Variants in CEP85L observed in about 807,000 individuals in gnomAD.
CEP85L encodes the protein centrosomal protein of 85 kDa-like.
A neutral mutation model predicts 100.3 loss-of-function variants in CEP85L; 60 were observed. That is an observed-to-expected ratio of 0.60 (90% CI 0.49 to 0.74). The LOEUF is 0.74. Among genes scored for constraint, CEP85L ranks in the 30% least tolerant of loss-of-function variants. The pLI, the probability that CEP85L is intolerant of heterozygous loss-of-function variation, is 0.00. For synonymous variants in CEP85L, 319 were observed against 322.7 expected (o/e 0.99, Z 0.12); for missense variants, 973 against 936.2 (o/e 1.04, Z -0.51).
intron 2 of CEP85L, among the ~76,000 whole-genome samples, chr6:118,620,256 G>A (rs748904571): frequency 5.3e-5 from 8 of 152,118 alleles, no homozygotes; most frequent in Non-Finnish European, 1.0e-4. Context: ...GTCTGCCTTA[G>A]GCCCAGAACA....
At chr6:118,520,576 G>A (rs1176085849) in intron 4 of CEP85L, among the ~76,000 whole-genome samples, 1 of 151,818 alleles carries the variant, frequency 6.6e-6, no homozygotes, top group Non-Finnish European at 1.5e-5. Flanking sequence ...CTAGCTATTT[G>A]AAAAAAATAT....
At chr6:118,536,102 T>G (rs914381349) in intron 3 of CEP85L, among the ~76,000 whole-genome samples, 3 of 152,154 alleles carry the variant, frequency 2.0e-5, no homozygotes, top group African/African-American at 7.2e-5. Context: ...ACAACCCAAA[T>G]GTGTTAACAA....
intron 2 of CEP85L, among the ~76,000 whole-genome samples, chr6:118,610,399 A>G (rs938876398): frequency 6.6e-6 from 1 of 152,028 alleles, no homozygotes; most frequent in Admixed American, 6.6e-5. Context: ...TAGGGCCTTT[A>G]CTCCTGTCCA....
At position 118,616,945 on chromosome 6, in the gene CEP85L, A is replaced by C. The variant is rs1415419583; in HGVS notation, c.232+15508T>G. On this transcript the variant is annotated intron_variant, in intron 2 of 12. Transcript: ENST00000368491. ...GGGCAAGAGAGCGAGACTCTGTGTC[A>C]AAAAAAAAAAAAGGCTGAGGTAGGA... 1.4e-3 allele frequency among the ~76,000 whole-genome samples: 195 copies of C among 143,152 alleles called. 1 individual carries two copies. The highest frequency in any genetic ancestry group is 4.8e-3 in the African/African-American group (190 of 39,510). 93.9% of individuals were successfully genotyped at this position (143,152 alleles called of 152,430 possible).
chr6:118,532,026 A>C (rs1399029414), intron 3 of CEP85L, among the ~76,000 whole-genome samples: 1 of 152,206 alleles, frequency 6.6e-6, no homozygotes, highest in Non-Finnish European at 1.5e-5. Context: ...AATATAAATC[A>C]TTCTACCGGA....
chr6:118,541,264 G>C (rs2114878130), intron 3 of CEP85L, among the ~76,000 whole-genome samples: 1 of 152,336 alleles, frequency 6.6e-6, no homozygotes, highest in East Asian at 1.9e-4. Flanking sequence ...TAAATCAGCA[G>C]ATGATGAGAT....
At chr6:118,607,229 C>T (rs971129409) in intron 2 of CEP85L, among the ~76,000 whole-genome samples, 2 of 152,078 alleles carry the variant, frequency 1.3e-5, no homozygotes, top group African/African-American at 2.4e-5. Flanking sequence ...AGTTTCAACA[C>T]GTGGTCTCTG....
At chr6:118,537,729 T>C (rs886148532) in intron 3 of CEP85L, 1 of 985,230 alleles carries the variant, frequency 1.0e-6, no homozygotes, top group Non-Finnish European at 1.2e-6. Context: ...CCTGGACAAA[T>C]ACTGTTAAAT....
intron 1 of CEP85L, among the ~76,000 whole-genome samples, chr6:118,665,386 G>A (rs1392227572): frequency 6.6e-6 from 1 of 151,704 alleles, no homozygotes; most frequent in Non-Finnish European, 1.5e-5. Flanking sequence ...TTTAGATAGG[G>A]TTTTGCTGGA....
At chr6:118,691,780 C>T (rs1254991667) in intron 1 of CEP85L, among the ~76,000 whole-genome samples, 1 of 151,948 alleles carries the variant, frequency 6.6e-6, no homozygotes, top group Non-Finnish European at 1.5e-5. Flanking sequence ...TCATTTAAAC[C>T]TCTGTGCTCA....
intron 2 of CEP85L, among the ~76,000 whole-genome samples, chr6:118,579,564 T>C (rs909284420): frequency 6.6e-6 from 1 of 152,226 alleles, no homozygotes; most frequent in Non-Finnish European, 1.5e-5. Flanking sequence ...TTTTTACAAA[T>C]CAAACTATCA....
At chr6:118,510,243 T>G (rs1021016294) in intron 5 of CEP85L, among the ~76,000 whole-genome samples, 26 of 146,474 alleles carry the variant, frequency 1.8e-4, no homozygotes, top group Non-Finnish European at 4.0e-4. Context: ...CAGACCTCAT[T>G]GTAGAAAAAA....
intron 4 of CEP85L, among the ~76,000 whole-genome samples, chr6:118,522,362 A>T (rs1562226238): frequency 6.6e-6 from 1 of 152,300 alleles, no homozygotes; most frequent in South Asian, 2.1e-4. Flanking sequence ...ATTAATTTCA[A>T]TTATATAAAA....
At chr6:118,596,569 A>G (rs1458671790) in intron 2 of CEP85L, among the ~76,000 whole-genome samples, 2 of 152,236 alleles carry the variant, frequency 1.3e-5, no homozygotes, top group Admixed American at 6.5e-5. Context: ...CAAGCGTTAC[A>G]TCAACACACA....
rs200017694 is a variant in CEP85L, at chr6:118,491,829, A to C, written c.1294T>G (p.Ser432Ala). The C allele has an allele frequency of 1.6e-5, 25 of 1,612,396 alleles. No homozygotes were observed. The East Asian group carries it at 5.1e-4, about 33-fold the overall frequency. Residue 432 changes from serine (S) to alanine (A), a missense_variant, in exon 6 of 13, where the codon TCA becomes GCA. Ser to Ala is a moderately conservative substitution (Grantham distance 99). Around this residue, in one of 3 missense-constraint regions of CEP85L, gnomAD observed 890 missense variants for 844.5 expected, o/e 1.05. Coordinates refer to ENST00000368491, the MANE Select transcript of CEP85L (RefSeq NM_001042475.3). ...TGGGAATGGGAAACTGATTCCTCTG[A>C]AAATGGTGTCTGGAGTGAAGTGTTC... ...YENTSLQTPF[S>A]EESVSHSQQG...
chr6:118,466,828 T>C (rs1418494697), intron 12 of CEP85L, among the ~76,000 whole-genome samples: 4 of 152,084 alleles, frequency 2.6e-5, no homozygotes, highest in Admixed American at 6.6e-5. Context: ...ATGAGAAAGA[T>C]GGTTGTCAGA....
At chr6:118,488,005 C>G (rs949415332) in intron 6 of CEP85L, among the ~76,000 whole-genome samples, 13 of 144,938 alleles carry the variant, frequency 9.0e-5, no homozygotes, top group Non-Finnish European at 1.8e-4. Flanking sequence ...ATGCTAAGAA[C>G]AAAAAAAAAA....
chr6:118,521,026 C>A (rs1409409778), intron 4 of CEP85L, among the ~76,000 whole-genome samples: 1 of 152,062 alleles, frequency 6.6e-6, no homozygotes, highest in African/African-American at 2.4e-5. Flanking sequence ...TGAAAAAAAA[C>A]ACATTTTTTC....
At chr6:118,600,805 A>C (rs943270557) in intron 2 of CEP85L, among the ~76,000 whole-genome samples, 1 of 151,720 alleles carries the variant, frequency 6.6e-6, no homozygotes, top group South Asian at 2.1e-4. Context: ...CTTTTTTAAA[A>C]AAAAAAAAAA....
Sources: allele counts gnomAD v4.1 joint callset (sites outside exome capture counted in the v4.1 genomes callset), GRCh38; gene constraint gnomAD v4.1.1; regional missense constraint gnomAD v4.1.1; transcripts MANE v1.5; gene names NCBI Gene and HGNC (gene_info 2026-07-23, HGNC 2026-07-21).